The following IFT122 variants were observed in gnomAD, a reference collection of about 807,000 sequenced individuals.
IFT122 encodes the protein intraflagellar transport protein 122 homolog.
Under a neutral mutation model 161.6 loss-of-function variants are expected in IFT122, and 118 were observed. The ratio of observed to expected loss-of-function variants is 0.73; its 90% CI spans 0.63 to 0.85. The LOEUF is 0.85. Ranked by LOEUF, IFT122 falls within the 40% of genes least tolerant of loss-of-function variation. The pLI is 0.00. For missense variants in IFT122, 1,381 were observed against 1,579.6 expected, an observed-to-expected ratio of 0.87 and a Z score of 2.13; for synonymous variants, 550 against 602.4, an observed-to-expected ratio of 0.91 and a Z score of 1.27.
intron 18 of IFT122, among the ~76,000 whole-genome samples, chr3:129,497,894 A>G (rs1279694339): frequency 6.6e-6 from 1 of 152,234 alleles, no homozygotes; most frequent in East Asian, 1.9e-4. Context: ...TTAAAATTAC[A>G]TTCCCACGTA....
chr3:129,453,365 A>C (rs746041263), intron 3 of IFT122, among the ~76,000 whole-genome samples: 1 of 152,118 alleles, frequency 6.6e-6, no homozygotes, highest in African/African-American at 2.4e-5. Context: ...AGAGTTGAAG[A>C]GAAAGGGAAA....
chr3:129,479,650 G>A, intron 12 of IFT122, 135 bp from the exon 13 acceptor site: 1 of 1,082,208 alleles, frequency 9.2e-7, no homozygotes, highest in Non-Finnish European at 1.4e-6. Context: ...CAATCGTGGG[G>A]TCTACATTGG....
chr3:129,495,576 A>C lies in IFT122; in HGVS notation c.2177A>C (p.Tyr726Ser). ...CACGAGAACCTCGCGCTTGAAATGT[A>C]CACCGACCTCTGCATGTTTGAGTAT... ...SGHENLALEM[Y>S]TDLCMFEYAK... The change falls in exon 18 of 30, where the codon TAC (tyrosine) becomes TCC (serine). Residue 726 changes from tyrosine (Y) to serine (S), a missense_variant. Physicochemically the swap from Tyr to Ser is moderately radical, Grantham distance 144. This residue lies in a region of IFT122 where 496 missense variants were observed against 502.5 expected (regional missense o/e 0.99). Coordinates refer to ENST00000348417, the MANE Select transcript of IFT122 (RefSeq NM_052989.3). 6.2e-7 allele frequency: 1 copy of C among 1,614,152 alleles called. No homozygotes were observed.
At chr3:129,476,185 G>T in intron 9 of IFT122, 130 bp from the exon 10 acceptor site, 1 of 957,146 alleles carries the variant, frequency 1.0e-6, no homozygotes, top group Admixed American at 2.0e-5. Flanking sequence ...TGACACAGGA[G>T]AAAAGGCTGG....
At chr3:129,450,802 G>A (rs10470433) in intron 2 of IFT122, among the ~76,000 whole-genome samples, 3,591 of 144,308 alleles carry the variant, frequency 0.025, 131 homozygotes, top group African/African-American at 0.084. Context: ...CTTACTGCAA[G>A]CTCCACCTCC....
In IFT122 at chr3:129,514,438, AG is replaced by A; in HGVS notation, c.3039del (p.Arg1013SerfsTer28). 3 of 1,614,202 alleles carry A rather than the reference AG, an allele frequency of 1.9e-6. No individual in the cohort carries two copies. Among genetic ancestry groups the A allele is most frequent in the Non-Finnish European group, 2.5e-6 (3 of 1,180,022 alleles). Reference protein sequence around the residue: ...AKQSKALGAYRLARHAYDKLR... With the variant: ...AKQSKALGAYXLARHAYDKLR... ...GCAGAGCAAGGCCCTCGGTGCCTAC[AG>A]GCTGGCCCGGCACGCCTATGACAAG... On this transcript the variant is annotated frameshift_variant, in exon 25 of 30. Transcript: ENST00000348417. LOFTEE classifies it high-confidence loss of function.
chr3:129,514,630 G>C (rs2083253542), intron 25 of IFT122, 76 bp downstream of exon 25: 1 of 1,553,954 alleles, frequency 6.4e-7, no homozygotes. Context: ...GCCTGGCCTG[G>C]GTTCCGTTTG....
intron 2 of IFT122, among the ~76,000 whole-genome samples, chr3:129,451,693 A>G (rs1185536893): frequency 6.6e-6 from 1 of 152,212 alleles, no homozygotes. Context: ...AAGGATTGGT[A>G]GTATATTCCT....
intron 15 of IFT122, 44 bp from the exon 16 acceptor site, chr3:129,488,213 C>G: frequency 6.2e-7 from 1 of 1,613,612 alleles, no homozygotes; most frequent in Non-Finnish European, 8.5e-7. Context: ...CTTTCCATGG[C>G]TCTGAAAACA....
At chr3:129,467,608 G>A (rs1359686460) in intron 8 of IFT122, among the ~76,000 whole-genome samples, 1 of 152,140 alleles carries the variant, frequency 6.6e-6, no homozygotes, top group Non-Finnish European at 1.5e-5. Flanking sequence ...GTATATCAGA[G>A]AGGAAGCCCT....
At position 129,458,621 on chromosome 3, in the gene IFT122, A is replaced by C. The variant is rs1206290706; in HGVS notation, c.216A>C (p.Ser72=). 6.2e-6 allele frequency: 10 copies of C among 1,614,040 alleles called. No individual in the cohort carries two copies. The Admixed American group carries it at 1.3e-4, about 22-fold the overall frequency. ...AKDGKRFASG[S]ADKSVIIWTS... ...TAGGCAAGCGCTTTGCTTCTGGATCAGCTGACAAAAGCGTTATTATCTGGA... is the reference window on the plus strand; with the variant it reads ...TAGGCAAGCGCTTTGCTTCTGGATCCGCTGACAAAAGCGTTATTATCTGGA... Residue 72 remains serine (S), a synonymous_variant, in exon 4 of 30, where the codon TCA becomes TCC. Coordinates refer to ENST00000348417, the MANE Select transcript of IFT122 (RefSeq NM_052989.3).
chr3:129,512,246 C>G (rs2082925200), intron 23 of IFT122, 66 bp from the exon 24 acceptor site: 1 of 1,107,694 alleles, frequency 9.0e-7, no homozygotes, highest in South Asian at 1.2e-5. Flanking sequence ...TGGTGTCTGC[C>G]TTTTGGCCTG....
At chr3:129,449,800 T>A (rs1277535874) in intron 1 of IFT122, 71 bp from the exon 2 acceptor site, 6 of 1,017,786 alleles carry the variant, frequency 5.9e-6, no homozygotes, top group Non-Finnish European at 9.4e-6. Flanking sequence ...CAATAAAGTT[T>A]ACTTTCCTGG....
At chr3:129,476,094 G>C (rs2077909266) in intron 9 of IFT122, 2 of 578,184 alleles carry the variant, frequency 3.5e-6, no homozygotes, top group Admixed American at 5.5e-5. Context: ...AGGTGCCACT[G>C]ACTCCAGGAG....
chr3:129,502,903 A>T (rs1305047557), intron 20 of IFT122, 21 bp downstream of exon 20: 1 of 1,604,986 alleles, frequency 6.2e-7, no homozygotes, highest in Non-Finnish European at 8.5e-7. Flanking sequence ...AGCAGGCCTC[A>T]TGGGCTGGGG....
chr3:129,467,264 GGAA>G (rs2076908608), intron 8 of IFT122, among the ~76,000 whole-genome samples, 198 bp downstream of exon 8: 1 of 151,958 alleles, frequency 6.6e-6, no homozygotes, highest in Non-Finnish European at 1.5e-5. Flanking sequence ...AGAAACTATA[GGAA>G]ATACTGAAAA....
intron 12 of IFT122, among the ~76,000 whole-genome samples, 180 bp downstream of exon 12, chr3:129,478,398 C>T (rs1002612134): frequency 3.3e-5 from 5 of 152,178 alleles, no homozygotes; most frequent in Admixed American, 3.3e-4. Flanking sequence ...ACTCTATCAG[C>T]AAGTCATGAG....
chr3:129,512,345 CTT>C lies in IFT122; in HGVS notation c.2923_2924del (p.Phe975GlnfsTer20). ...DPFSVHRPET[L>X]FNISRFLLHS... Reference sequence around the variant, plus strand: ...GTTCAGTGTCCATCGTCCTGAAACTCTTTTCAACATCTCCAGGTTCCTGCTGC... The same window carrying C: ...GTTCAGTGTCCATCGTCCTGAAACTCTTCAACATCTCCAGGTTCCTGCTGC... On this transcript the variant is annotated frameshift_variant, in exon 24 of 30. Transcript: ENST00000348417. LOFTEE classifies it high-confidence loss of function. 1.9e-6 allele frequency: 3 copies of C among 1,614,140 alleles called. No individual in the cohort carries two copies. The highest frequency in any genetic ancestry group is 2.5e-6 in the Non-Finnish European group (3 of 1,179,958).
intron 3 of IFT122, among the ~76,000 whole-genome samples, chr3:129,454,508 CATATTTGT>C (rs1481043173): frequency 8.7e-4 from 98 of 112,440 alleles, no homozygotes; most frequent in South Asian, 7.3e-3. Context: ...CCATGGTAGT[CATATTTGT>C]GTGTGTGTGT....
Sources: gnomAD v4.1 joint callset for allele counts (sites outside exome capture counted in the v4.1 genomes callset) on GRCh38, gnomAD v4.1.1 for gene constraint, gnomAD v4.1.1 regional missense constraint, MANE v1.5 for transcripts, NCBI Gene and HGNC (gene_info 2026-07-23, HGNC 2026-07-21) for gene names.